BBS7: variants seen among roughly 807,000 people sequenced by gnomAD.
The protein encoded by BBS7 is BBSome complex member BBS7.
In BBS7, 50 loss-of-function variants were observed where a neutral mutation model predicts 90.3. That is an observed-to-expected ratio of 0.55 (90% confidence interval 0.44 to 0.70). BBS7 has a LOEUF of 0.70. Ranked by LOEUF, BBS7 falls within the 30% of genes least tolerant of loss-of-function variation. BBS7 has a pLI of 0.00. For synonymous variants in BBS7, 235 were observed against 287.4 expected (o/e 0.82, Z 1.85); for missense variants, 729 against 838.9 (o/e 0.87, Z 1.62).
intron 2 of BBS7, among the ~76,000 whole-genome samples, chr4:121,865,518 C>A (rs987723276): frequency 6.6e-6 from 1 of 152,156 alleles, no homozygotes; most frequent in Non-Finnish European, 1.5e-5. Context: ...GGATTACAGG[C>A]GTGAGTCACC....
intron 13 of BBS7, among the ~76,000 whole-genome samples, chr4:121,838,987 T>TA (rs1578536584): frequency 6.6e-6 from 1 of 152,000 alleles, no homozygotes; most frequent in East Asian, 1.9e-4. Flanking sequence ...TTTATAATAT[T>TA]AAAAAATTAT....
chr4:121,860,425 T>A (rs116287916), intron 4 of BBS7, among the ~76,000 whole-genome samples: 181 of 152,208 alleles, frequency 1.2e-3, no homozygotes, highest in African/African-American at 4.2e-3. Flanking sequence ...AATGTGGGGA[T>A]TCAGACAATC....
chr4:121,858,091 C>A (rs1470010782), intron 5 of BBS7, among the ~76,000 whole-genome samples: 2 of 152,164 alleles, frequency 1.3e-5, no homozygotes, highest in East Asian at 1.9e-4. Context: ...CAGGTGTGAG[C>A]CACCATGCCT....
chr4:121,838,190 T>C (rs2149060142), intron 13 of BBS7, among the ~76,000 whole-genome samples: 1 of 152,328 alleles, frequency 6.6e-6, no homozygotes, highest in African/African-American at 2.4e-5. Context: ...TGTAAAATGT[T>C]TAAATGTGTT....
intron 13 of BBS7, among the ~76,000 whole-genome samples, chr4:121,838,979 T>C (rs1357098173): frequency 1.3e-5 from 2 of 151,978 alleles, no homozygotes; most frequent in African/African-American, 4.8e-5. Flanking sequence ...TTAAATATTT[T>C]ATAATATTAA....
intron 7 of BBS7, among the ~76,000 whole-genome samples, chr4:121,853,703 C>T (rs1726446404): frequency 6.6e-6 from 1 of 151,862 alleles, no homozygotes; most frequent in Admixed American, 6.6e-5. Context: ...CCTGTTGCCC[C>T]CCGCCCCCTC....
intron 12 of BBS7, among the ~76,000 whole-genome samples, chr4:121,840,913 A>G (rs763773295): frequency 4.9e-4 from 74 of 151,436 alleles, no homozygotes; most frequent in Non-Finnish European, 8.1e-4. Context: ...TCTCAGCTCA[A>G]TGTAACCTCT....
intron 1 of BBS7, 138 bp from the exon 2 acceptor site, chr4:121,868,184 A>G (rs1727388684): frequency 2.6e-6 from 2 of 755,908 alleles, no homozygotes; most frequent in Admixed American, 2.0e-5. Context: ...TTCTAATGAG[A>G]TATGTCATAT....
At position 121,870,286 on chromosome 4, in the gene BBS7, A is replaced by G; in HGVS notation, c.28T>C (p.Tyr10His). The G allele has an allele frequency of 1.2e-6, 2 of 1,614,140 alleles. No individual in the cohort carries two copies. Among genetic ancestry groups the G allele is most frequent in the Non-Finnish European group, 1.7e-6 (2 of 1,180,000 alleles). The change falls in exon 1 of 19, where the codon TAT (tyrosine) becomes CAT (histidine). Residue 10 changes from tyrosine (Y) to histidine (H), a missense_variant. Tyr to His is a moderately conservative substitution (Grantham distance 83). Coordinates refer to ENST00000264499, the MANE Select transcript of BBS7 (RefSeq NM_176824.3). The stretch of plus-strand genomic sequence containing the variant: ...CTATCCCTTGGGTTTACCTGCAGAT[A>G]ATCCATTCGGTTTAAAATCAGATCC... MDLILNRMD[Y>H]LQVGVTSQKT...
At chr4:121,835,762 A>G (rs1479162785) in intron 13 of BBS7, among the ~76,000 whole-genome samples, 1 of 152,112 alleles carries the variant, frequency 6.6e-6, no homozygotes, top group Non-Finnish European at 1.5e-5. Flanking sequence ...TTTTTTCCAT[A>G]AGAAAAAAAG....
chr4:121,851,229 C>CA (rs1433655833), intron 8 of BBS7, among the ~76,000 whole-genome samples: 1 of 151,936 alleles, frequency 6.6e-6, no homozygotes, highest in Admixed American at 6.6e-5. Flanking sequence ...AAATTTTTTA[C>CA]AAACTGTTCA....
chr4:121,841,569 A>T (rs11937223), intron 12 of BBS7, among the ~76,000 whole-genome samples: 107,932 of 150,356 alleles, frequency 0.72, 38,655 homozygotes, highest in Admixed American at 0.79. Flanking sequence ...CCCATCTTTT[A>T]AAAAAAAAAA....
At chr4:121,840,333 C>T (rs1367771310) in intron 12 of BBS7, among the ~76,000 whole-genome samples, 5 of 152,192 alleles carry the variant, frequency 3.3e-5, no homozygotes, top group Admixed American at 6.5e-5. Context: ...GTCCAATAAA[C>T]CTCTTTCTTT....
intron 1 of BBS7, among the ~76,000 whole-genome samples, chr4:121,869,154 A>C (rs1176527129): frequency 6.6e-6 from 1 of 152,190 alleles, no homozygotes; most frequent in Non-Finnish European, 1.5e-5. Context: ...TGGGAGTTAA[A>C]AGCAGTAAGA....
intron 7 of BBS7, 49 bp from the exon 8 acceptor site, chr4:121,853,135 G>T: frequency 6.3e-7 from 1 of 1,586,726 alleles, no homozygotes; most frequent in East Asian, 2.2e-5. Flanking sequence ...AATAGTTATG[G>T]TCAAGTATAT....
At chr4:121,837,247 G>A (rs970176647) in intron 13 of BBS7, among the ~76,000 whole-genome samples, 2 of 152,000 alleles carry the variant, frequency 1.3e-5, no homozygotes, top group African/African-American at 4.8e-5. Flanking sequence ...GATTGCAGGC[G>A]TGAGCCACTG....
chr4:121,845,075 A>G (rs1725932226), intron 11 of BBS7, among the ~76,000 whole-genome samples: 1 of 152,204 alleles, frequency 6.6e-6, no homozygotes, highest in Non-Finnish European at 1.5e-5. Context: ...AACATTTAAA[A>G]TTACTGTCTA....
intron 18 of BBS7, chr4:121,827,798 C>T (rs192476165): frequency 1.5e-5 from 14 of 959,656 alleles, no homozygotes; most frequent in Non-Finnish European, 1.7e-5. Context: ...ACAATAGCAA[C>T]AAAACATGAC....
intron 14 of BBS7, among the ~76,000 whole-genome samples, chr4:121,834,616 T>C (rs1217315920): frequency 6.6e-6 from 1 of 152,150 alleles, no homozygotes; most frequent in African/African-American, 2.4e-5. Flanking sequence ...CCTAGCATAA[T>C]ACATGGCACA....
Sources: gnomAD v4.1 joint callset for allele counts (sites outside exome capture counted in the v4.1 genomes callset) on GRCh38, gnomAD v4.1.1 for gene constraint, MANE v1.5 for transcripts, NCBI Gene and HGNC (gene_info 2026-07-23, HGNC 2026-07-21) for gene names.